The following RYR2 variants were observed in gnomAD, a reference collection of about 807,000 sequenced individuals.
RYR2 encodes the protein cardiac muscle ryanodine receptor-calcium release channel.
Under a neutral mutation model 601.1 loss-of-function variants are expected in RYR2, and 227 were observed. The observed-to-expected ratio is 0.38, with a 90% CI of 0.34 to 0.42. The LOEUF (loss-of-function observed/expected upper bound fraction) is 0.42. Among genes scored for constraint, RYR2 ranks in the 10% least tolerant of loss-of-function variants. The pLI is 1.00. For missense variants in RYR2, 4,646 were observed against 6,156.5 expected, an observed-to-expected ratio of 0.75 and a Z score of 8.21; for synonymous variants, 2,223 against 2,175.1, an observed-to-expected ratio of 1.02 and a Z score of -0.61.
intron 1 of RYR2, among the ~76,000 whole-genome samples, chr1:237,201,469 T>C (rs578202676): frequency 6.6e-6 from 1 of 152,354 alleles, no homozygotes; most frequent in South Asian, 2.1e-4. Flanking sequence ...ATTTGTGTTT[T>C]TCTGGCCATT....
chr1:237,246,776 A>G (rs1248010469), intron 1 of RYR2, among the ~76,000 whole-genome samples: 2 of 151,866 alleles, frequency 1.3e-5, no homozygotes, highest in African/African-American at 4.8e-5. Flanking sequence ...TTGCTTTCTT[A>G]TTATATTTGA....
At chr1:237,064,601 G>A (rs933865058) in intron 1 of RYR2, among the ~76,000 whole-genome samples, 1 of 152,004 alleles carries the variant, frequency 6.6e-6, no homozygotes, top group Non-Finnish European at 1.5e-5. Flanking sequence ...TTTTATTCTG[G>A]TAGGTAGGTA....
At chr1:237,671,217 C>T (rs560357403) in intron 58 of RYR2, among the ~76,000 whole-genome samples, 3 of 152,196 alleles carry the variant, frequency 2.0e-5, no homozygotes, top group Non-Finnish European at 2.9e-5. Flanking sequence ...CAGTAGGAAA[C>T]GTGTTGAACT....
chr1:237,199,771 T>G (rs1572178262), intron 1 of RYR2, among the ~76,000 whole-genome samples: 2 of 152,306 alleles, frequency 1.3e-5, no homozygotes, highest in East Asian at 3.9e-4. Context: ...TCAGGATTCT[T>G]TCAACTGTGG....
chr1:237,134,153 A>C (rs1316969942), intron 1 of RYR2, among the ~76,000 whole-genome samples: 1 of 152,172 alleles, frequency 6.6e-6, no homozygotes, highest in Non-Finnish European at 1.5e-5. Context: ...ACTGTGGTTC[A>C]GGAAACCTTG....
intron 1 of RYR2, among the ~76,000 whole-genome samples, chr1:237,061,274 A>ATCTATCTAT (rs1662835924): frequency 3.2e-5 from 4 of 123,608 alleles, no homozygotes; most frequent in African/African-American, 1.2e-4. Flanking sequence ...CTATCCATCT[A>ATCTATCTAT]TCATCTATCT....
chr1:237,763,473 A>C (rs1693594697), intron 84 of RYR2, among the ~76,000 whole-genome samples: 1 of 152,226 alleles, frequency 6.6e-6, no homozygotes, highest in Admixed American at 6.5e-5. Flanking sequence ...AATCTGACAG[A>C]TTACAAATCA....
intron 40 of RYR2, among the ~76,000 whole-genome samples, chr1:237,627,228 GTGTA>G (rs2148664070): frequency 6.6e-6 from 1 of 152,260 alleles, no homozygotes; most frequent in African/African-American, 2.4e-5. Context: ...GTAATTTTCT[GTGTA>G]TGTAGTAACT....
intron 1 of RYR2, among the ~76,000 whole-genome samples, chr1:237,049,289 G>T (rs1444211462): frequency 6.6e-6 from 1 of 152,154 alleles, no homozygotes; most frequent in Non-Finnish European, 1.5e-5. Context: ...AGCTGTCAGG[G>T]GGTGAGGTGA....
intron 2 of RYR2, among the ~76,000 whole-genome samples, chr1:237,308,557 C>T (rs1323850625): frequency 6.6e-6 from 1 of 152,150 alleles, no homozygotes; most frequent in African/African-American, 2.4e-5. Context: ...GTGAGTGTTA[C>T]AGTTCTTAAA....
chr1:237,697,598 A>AT lies in RYR2; in HGVS notation c.9068-1353dup, dbSNP rs199830480. Among the ~76,000 whole-genome samples, 652 of 136,052 alleles carry AT rather than the reference A, an allele frequency of 4.8e-3. 7 individuals carry two copies. Among genetic ancestry groups the AT allele is most frequent in the African/African-American group, 0.015 (549 of 37,266 alleles). 89.3% of individuals were successfully genotyped at this position (136,052 alleles called of 152,430 possible). A position where few individuals can be genotyped will look rare whatever the true frequency, so the allele number is the denominator to read the frequency against. On this transcript the variant is annotated intron_variant, in intron 63 of 104. Coordinates refer to ENST00000366574, the MANE Select transcript of RYR2 (RefSeq NM_001035.3). ...TTATATGCTGATATTTTGCTAAATG[A>AT]TTTTTTTTTTTTTTGCTTACTGATT...
chr1:237,715,011 A>T (rs1689153114), intron 71 of RYR2, among the ~76,000 whole-genome samples: 2 of 135,794 alleles, frequency 1.5e-5, no homozygotes, highest in Admixed American at 7.0e-5. Flanking sequence ...AAAAAAAAAA[A>T]AAAAAAAAAA....
At chr1:237,722,868 T>G (rs1265784338) in intron 73 of RYR2, among the ~76,000 whole-genome samples, 1 of 147,768 alleles carries the variant, frequency 6.8e-6, no homozygotes, top group African/African-American at 2.4e-5. Context: ...ACCTTTTGCC[T>G]GTATGTGCTA....
At chr1:237,280,716 G>A (rs568630761) in intron 2 of RYR2, among the ~76,000 whole-genome samples, 1 of 151,760 alleles carries the variant, frequency 6.6e-6, no homozygotes, top group East Asian at 1.9e-4. Context: ...TGTTGAATTG[G>A]ACCTGAATGG....
intron 29 of RYR2, among the ~76,000 whole-genome samples, chr1:237,573,231 TACACACACACACAC>T (rs10556537): frequency 2.1e-4 from 31 of 148,920 alleles, no homozygotes; most frequent in African/African-American, 6.9e-4. Context: ...GATATACACA[TACACACACACACAC>T]ACACACACAC....
At chr1:237,708,241 C>T (rs995609247) in intron 68 of RYR2, among the ~76,000 whole-genome samples, 1 of 152,006 alleles carries the variant, frequency 6.6e-6, no homozygotes, top group Non-Finnish European at 1.5e-5. Flanking sequence ...CAGAAAAATG[C>T]AGCAATGACT....
intron 1 of RYR2, among the ~76,000 whole-genome samples, chr1:237,108,791 A>G (rs1669073630): frequency 6.6e-6 from 1 of 152,178 alleles, no homozygotes; most frequent in East Asian, 1.9e-4. Flanking sequence ...GAAGCCTGCA[A>G]TGTTGTCTCT....
chr1:237,632,118 T>C (rs1395558566), intron 42 of RYR2, among the ~76,000 whole-genome samples: 1 of 152,060 alleles, frequency 6.6e-6, no homozygotes, highest in Admixed American at 6.5e-5. Flanking sequence ...ATTATTCTCT[T>C]TTAGGGGATA....
chr1:237,082,610 C>T (rs1272908515), intron 1 of RYR2, among the ~76,000 whole-genome samples: 2 of 145,656 alleles, frequency 1.4e-5, no homozygotes, highest in African/African-American at 5.0e-5. Context: ...GCCCCTCCTG[C>T]AGTCTTCTGT....
Sources: allele counts gnomAD v4.1 joint callset (sites outside exome capture counted in the v4.1 genomes callset), GRCh38; gene constraint gnomAD v4.1.1; transcripts MANE v1.5; gene names NCBI Gene and HGNC (gene_info 2026-07-23, HGNC 2026-07-21).